Variants in SERPINB9 observed in about 807,000 individuals in gnomAD.
SERPINB9 encodes serpin family B member 9.
SERPINB9 carries 20 observed loss-of-function variants against 27.2 expected under a neutral mutation model. The ratio of observed to expected loss-of-function variants is 0.74; its 90% confidence interval spans 0.52 to 1.07. The LOEUF is 1.07. Ranked by LOEUF, SERPINB9 falls within the 50% of genes least tolerant of loss-of-function variation. The pLI, the probability that SERPINB9 is intolerant of heterozygous loss-of-function variation, is 0.00. For missense variants in SERPINB9, 476 were observed against 460.1 expected (o/e 1.03, Z -0.32); for synonymous variants, 189 against 180.0 (o/e 1.05, Z -0.40).
chr6:2,890,585 T>C lies in SERPINB9; in HGVS notation c.724-15A>G, dbSNP rs762123821. ...CTTTTTTCCACCTGAAAGACCAGAA[T>C]TAGACTTTAAGATTCCGACTTCAGT... is the stretch of plus-strand genomic sequence containing the variant. On this transcript the variant is annotated splice_polypyrimidine_tract_variant and intron_variant, in intron 6 of 6. Transcript: ENST00000380698. This position sits in a 1 kb window ranked among gnomAD's most constrained non-coding sequence, Gnocchi z 6.2. 4 of 1,598,396 alleles carry C rather than the reference T, an allele frequency of 2.5e-6. No homozygotes were observed. The highest frequency in any genetic ancestry group is 3.4e-6 in the Non-Finnish European group (4 of 1,169,648).
In SERPINB9 at chr6:2,900,590, T is replaced by C; in HGVS notation, c.22A>G (p.Ser8Gly). Residue 8 changes from serine to glycine, a missense_variant, in exon 2 of 7, where the codon AGT becomes GGT. By Grantham distance (56) the Ser-to-Gly change is moderately conservative. Coordinates refer to ENST00000380698, the MANE Select transcript of SERPINB9 (RefSeq NM_004155.6). ...AAAAGGCGTATGGCAAAAGTACCAC[T>C]TGCATTAGAAAGAGTTTCCATGATG... Reference protein sequence around the residue: METLSNASGTFAIRLLKI... With the variant: METLSNAGGTFAIRLLKI... 6.2e-7 allele frequency: 1 copy of C among 1,613,978 alleles called. No individual in the cohort carries two copies. The highest frequency in any genetic ancestry group is 1.3e-5 in the African/African-American group (1 of 74,946).
intron 5 of SERPINB9, 114 bp from the exon 6 acceptor site, chr6:2,892,102 CACTAAAAA>C: frequency 1.0e-4 from 15 of 147,778 alleles, no homozygotes; most frequent in Middle Eastern, 1.9e-3. Flanking sequence ...CCCCAGTTAA[CACTAAAAA>C]AAAAAAAAAA....
chr6:2,901,241 C>T (rs569568152), intron 1 of SERPINB9, among the ~76,000 whole-genome samples: 48 of 152,340 alleles, frequency 3.2e-4, no homozygotes, highest in South Asian at 1.0e-3. Context: ...CAGGCCCACG[C>T]GGCCTGACAT....
Position 2,889,583 on chromosome 6 carries a change from T to C in SERPINB9, c.*580A>G, listed in dbSNP as rs1001458819. On this transcript the variant is annotated 3_prime_UTR_variant, in exon 7 of 7. Transcript: ENST00000380698. ...GGTGGCGGGCGCCTGTAGTCCCAGCTACTCGGGAGGCTGAGGCAGGAGAAT... is the reference window on the plus strand; with the variant it reads ...GGTGGCGGGCGCCTGTAGTCCCAGCCACTCGGGAGGCTGAGGCAGGAGAAT... 2.7e-5 allele frequency: 4 copies of C among 150,680 alleles called. No individual in the cohort carries two copies. The highest frequency in any genetic ancestry group is 9.8e-5 in the African/African-American group (4 of 40,750). 9.3% of individuals were successfully genotyped at this position (150,680 alleles called of 1,614,324 possible). A position where few individuals can be genotyped will look rare whatever the true frequency, so the allele number is the denominator to read the frequency against.
Position 2,887,948 on chromosome 6 carries a change from T to C in SERPINB9, c.*2215A>G, listed in dbSNP as rs1767652920. ...GTGTACTTCACTTTGTTTTCATTCCTCCTCTAAAGCTTTTTAACAAACTGT... is the reference window on the plus strand; with the variant it reads ...GTGTACTTCACTTTGTTTTCATTCCCCCTCTAAAGCTTTTTAACAAACTGT... On this transcript the variant is annotated 3_prime_UTR_variant, in exon 7 of 7. Coordinates refer to ENST00000380698, the MANE Select transcript of SERPINB9 (RefSeq NM_004155.6). The C allele has an allele frequency of 6.6e-6, 1 of 151,208 alleles. No individual in the cohort carries two copies. Among genetic ancestry groups the C allele is most frequent in the African/African-American group, 2.4e-5 (1 of 41,150 alleles). The allele number at this position is 151,208 out of a possible 1,614,324, so 9.4% of individuals were successfully genotyped here. A position where few individuals can be genotyped will look rare whatever the true frequency, so the allele number is the denominator to read the frequency against.
chr6:2,895,411 C>T lies in SERPINB9; in HGVS notation c.404G>A (p.Trp135Ter), dbSNP rs868637153. 6.2e-7 allele frequency: 1 copy of T among 1,611,724 alleles called. No individual in the cohort carries two copies. Among genetic ancestry groups the T allele is most frequent in the Admixed American group, 1.7e-5 (1 of 59,288 alleles). The part of the protein sequence containing the change: ...AEESRKHINT[W>*]VSKKTEGKIE... ...CTGACCTTCGGTCTTTTTTGAGACC[C>T]AGGTGTTGATGTGTTTCCTGGACTC... is the stretch of plus-strand genomic sequence containing the variant. Residue 135 changes from tryptophan to a stop codon, truncating the protein, a stop_gained, in exon 4 of 7, where the codon TGG becomes TAG. Coordinates refer to ENST00000380698, the MANE Select transcript of SERPINB9 (RefSeq NM_004155.6). LOFTEE classifies it high-confidence loss of function.
At chr6:2,892,185 C>G (rs966449164) in intron 5 of SERPINB9, among the ~76,000 whole-genome samples, 197 bp from the exon 6 acceptor site, 14 of 148,778 alleles carry the variant, frequency 9.4e-5, no homozygotes, top group Non-Finnish European at 2.1e-4. Context: ...CAGTACCACC[C>G]TGGGAAAGGT....
intron 2 of SERPINB9, among the ~76,000 whole-genome samples, chr6:2,898,738 C>CG (rs989790185): frequency 4.0e-5 from 6 of 151,178 alleles, no homozygotes; most frequent in African/African-American, 1.2e-4. Context: ...GGTGTGAACT[C>CG]GGGGGGTGGA....
rs1465589576 is a variant in SERPINB9, at chr6:2,894,968, G to T, written c.424+423C>A. Among the ~76,000 whole-genome samples the T allele has an allele frequency of 1.3e-5, 2 of 151,786 alleles. No homozygotes were observed. Among genetic ancestry groups the T allele is most frequent in the Non-Finnish European group, 2.9e-5 (2 of 67,956 alleles). On this transcript the variant is annotated intron_variant, in intron 4 of 6. Transcript: ENST00000380698. This position sits in a 1 kb window ranked among gnomAD's most constrained non-coding sequence, Gnocchi z 4.7. The stretch of plus-strand genomic sequence containing the variant: ...GGGGGGGTCCCACCATGTTGGTCAG[G>T]CTGGTCTCGAACTCCTGACCTCAAG...
chr6:2,891,780 C>T lies in SERPINB9; in HGVS notation c.723+53G>A. ...GAATATGAGAGGTGGAAGTGGCACT[C>T]GAGTTCTGCCCGCAAAGGTGTCCCT... On this transcript the variant is annotated intron_variant, in intron 6 of 6. Coordinates refer to ENST00000380698, the MANE Select transcript of SERPINB9 (RefSeq NM_004155.6). The surrounding 1 kb of genome is among the most constrained non-coding windows in gnomAD (Gnocchi z 4.0). 6.5e-7 allele frequency: 1 copy of T among 1,534,610 alleles called. No individual in the cohort carries two copies. Among genetic ancestry groups the T allele is most frequent in the Non-Finnish European group, 8.7e-7 (1 of 1,148,898 alleles).
At chr6:2,892,105 TAAAAAAAAAAAA>T (rs535487251) in intron 5 of SERPINB9, 117 bp from the exon 6 acceptor site, 74 of 117,970 alleles carry the variant, frequency 6.3e-4, no homozygotes, top group Middle Eastern at 3.2e-3. Flanking sequence ...CAGTTAACAC[TAAAAAAAAAAAA>T]AAAAAAAAAA....
chr6:2,902,172 G>GT (rs1279181115), intron 1 of SERPINB9, among the ~76,000 whole-genome samples: 1 of 152,124 alleles, frequency 6.6e-6, no homozygotes, highest in Non-Finnish European at 1.5e-5. Flanking sequence ...AACACTGTTG[G>GT]TCCCCCTTAG....
At chr6:2,896,884 A>T (rs1298622954) in intron 2 of SERPINB9, among the ~76,000 whole-genome samples, 2 of 152,206 alleles carry the variant, frequency 1.3e-5, no homozygotes, top group African/African-American at 4.8e-5. Context: ...TCATGCCTAT[A>T]ATCCCAGCAC....
chr6:2,900,384 G>C, intron 2 of SERPINB9, 60 bp downstream of exon 2: 1 of 1,580,412 alleles, frequency 6.3e-7, no homozygotes, highest in Non-Finnish European at 8.6e-7. Flanking sequence ...TGAGTGTGAA[G>C]CTGGTGACAG....
Position 2,890,397 on chromosome 6 carries a change from G to A in SERPINB9, c.897C>T (p.Asp299=), listed in dbSNP as rs549589382. 5.6e-6 allele frequency: 9 copies of A among 1,614,216 alleles called. No homozygotes were observed. In the East Asian group the frequency reaches 6.7e-5, roughly 12 times the overall value. The change falls in exon 7 of 7, where the codon GAC becomes GAT. Residue 299 remains aspartate, a synonymous_variant. Coordinates refer to ENST00000380698, the MANE Select transcript of SERPINB9 (RefSeq NM_004155.6). This position sits in a 1 kb window ranked among gnomAD's most constrained non-coding sequence, Gnocchi z 6.2. The part of the protein sequence containing the change: ...IVDAFQQGKA[D]LSAMSAERDL... ...CTCTCTCCGCTGACATTGCCGACAA[G>A]TCAGCCTTGCCCTGTTGGAAGGCAT...
At chr6:2,900,303 C>T in intron 2 of SERPINB9, 141 bp downstream of exon 2, 1 of 975,702 alleles carries the variant, frequency 1.0e-6, no homozygotes, top group Non-Finnish European at 1.5e-6. Context: ...CCAGTGGACC[C>T]CGCCTCCCTG....
At chr6:2,898,588 C>A (rs552770938) in intron 2 of SERPINB9, among the ~76,000 whole-genome samples, 2 of 152,152 alleles carry the variant, frequency 1.3e-5, no homozygotes, top group African/African-American at 2.4e-5. Context: ...GAGGCCAAGG[C>A]GGGTGGATCA....
rs1229710996 is a variant in SERPINB9, at chr6:2,900,591, T to C, written c.21A>G (p.Ala7=). 2.5e-6 allele frequency: 4 copies of C among 1,613,988 alleles called. No homozygotes were observed. The African/African-American group carries it at 5.3e-5, about 22-fold the overall frequency. ...AAAGGCGTATGGCAAAAGTACCACT[T>C]GCATTAGAAAGAGTTTCCATGATGC... METLSN[A]SGTFAIRLLK... Residue 7 remains alanine, a synonymous_variant, in exon 2 of 7, where the codon GCA becomes GCG. Transcript: ENST00000380698.
chr6:2,893,693 C>T (rs1426974033), intron 4 of SERPINB9, 140 bp from the exon 5 acceptor site: 3 of 630,658 alleles, frequency 4.8e-6, no homozygotes, highest in Non-Finnish European at 8.0e-6. Context: ...GAAATAAAAA[C>T]AGCACATATG....
Sources: gnomAD v4.1 joint callset for allele counts (sites outside exome capture counted in the v4.1 genomes callset) on GRCh38, gnomAD v4.1.1 for gene constraint, Gnocchi (gnomAD v3.1) non-coding constraint, MANE v1.5 for transcripts, NCBI Gene and HGNC (gene_info 2026-07-23, HGNC 2026-07-21) for gene names.